The following FXN variants were observed in gnomAD, a reference collection of about 807,000 sequenced individuals.
FXN encodes frataxin, also known as frataxin, mitochondrial.
In FXN, 14 loss-of-function variants were observed where a neutral mutation model predicts 22.4. That is an observed-to-expected ratio of 0.62 (90% CI 0.41 to 0.98). The LOEUF is 0.98. Ranked by LOEUF, FXN falls within the 50% of genes least tolerant of loss-of-function variation. The probability of loss-of-function intolerance (pLI) is 0.00; values close to 1 mark genes in which losing one functional copy is unlikely to be tolerated. For missense variants in FXN, 267 were observed against 268.4 expected, an observed-to-expected ratio of 0.99 and a Z score of 0.04; for synonymous variants, 120 against 114.1, an observed-to-expected ratio of 1.05 and a Z score of -0.33.
chr9:69,075,858 C>T lies in FXN; in HGVS notation c.*3096C>T, dbSNP rs572355668. 1.9e-6 allele frequency: 1 copy of T among 534,590 alleles called. No homozygotes were observed. The highest frequency in any genetic ancestry group is 6.4e-5 in the Admixed American group (1 of 15,690). The allele number at this position is 534,590 out of a possible 1,614,324, so 33.1% of individuals were successfully genotyped here. On this transcript the variant is annotated 3_prime_UTR_variant, in exon 5 of 5. Transcript: ENST00000484259. ...GCAATCCTCCCACAGGTGTGCACCT[C>T]CATAGCTGGCTAATTTGTGTATTTT... is the stretch of plus-strand genomic sequence containing the variant.
At chr9:69,058,322 C>T (rs541113499) in intron 3 of FXN, among the ~76,000 whole-genome samples, 7 of 152,254 alleles carry the variant, frequency 4.6e-5, no homozygotes, top group African/African-American at 1.7e-4. Flanking sequence ...GGAGTCCGCT[C>T]TACTTGACCT....
Position 69,073,553 on chromosome 9 carries a change from AG to A in FXN, c.*793del. 1.0e-6 allele frequency: 1 copy of A among 985,450 alleles called. No homozygotes were observed. The highest frequency in any genetic ancestry group is 4.7e-5 in the South Asian group (1 of 21,280). 61.0% of individuals were successfully genotyped at this position (985,450 alleles called of 1,614,324 possible). On this transcript the variant is annotated 3_prime_UTR_variant, in exon 5 of 5. Coordinates refer to ENST00000484259, the MANE Select transcript of FXN (RefSeq NM_000144.5). ...AACAAACAAAATCATGGAGCTGAGGAGGTGCCTTGTAAACATGAAGGGGCAG... is the reference window on the plus strand; with the variant it reads ...AACAAACAAAATCATGGAGCTGAGGAGTGCCTTGTAAACATGAAGGGGCAG...
chr9:69,070,980 G>T (rs559529269), intron 4 of FXN, among the ~76,000 whole-genome samples: 32 of 151,862 alleles, frequency 2.1e-4, no homozygotes, highest in East Asian at 1.9e-3. Flanking sequence ...TGTTTTTTTT[G>T]TTTGTTTGTT....
At chr9:69,048,996 T>G (rs1011327124) in intron 2 of FXN, among the ~76,000 whole-genome samples, 2 of 152,184 alleles carry the variant, frequency 1.3e-5, no homozygotes, top group Non-Finnish European at 2.9e-5. Context: ...CTTCCGGCAT[T>G]CCTCCCCCAG....
rs1832400803 is a variant in FXN at position 69,077,926 on chromosome 9, A to G, written c.*5164A>G. On this transcript the variant is annotated 3_prime_UTR_variant, in exon 5 of 5. Transcript: ENST00000484259. ...GCCTGGGTGACAAGAGGGAAACTCC[A>G]TTAAAAAAATGTAATTCCCGTGTCT... The G allele has an allele frequency of 1.0e-6, 1 of 979,940 alleles. No homozygotes were observed. Among genetic ancestry groups the G allele is most frequent in the Non-Finnish European group, 1.2e-6 (1 of 825,004 alleles). The allele number at this position is 979,940 out of a possible 1,614,324, so 60.7% of individuals were successfully genotyped here. A position where few individuals can be genotyped will look rare whatever the true frequency, so the allele number is the denominator to read the frequency against.
intron 1 of FXN, chr9:69,036,209 C>T (rs953656460): frequency 8.1e-6 from 2 of 247,586 alleles, no homozygotes; most frequent in Non-Finnish European, 1.5e-5. Flanking sequence ...GGTCAAGGCA[C>T]GGGCGAAGGC....
intron 1 of FXN, among the ~76,000 whole-genome samples, chr9:69,044,305 A>G (rs1388808053): frequency 1.3e-5 from 2 of 152,164 alleles, no homozygotes; most frequent in Non-Finnish European, 1.5e-5. Context: ...AAGCAGATGG[A>G]GAACACTGTA....
Position 69,035,908 on chromosome 9 carries a change from G to GCGCACCGACATCGATGCGACCTGCA in FXN, c.130_154dup (p.Pro52HisfsTer49). 6.7e-7 allele frequency: 1 copy of GCGCACCGACATCGATGCGACCTGCA among 1,487,258 alleles called. No individual in the cohort carries two copies. 92.1% of individuals were successfully genotyped at this position (1,487,258 alleles called of 1,614,324 possible). On this transcript the variant is annotated frameshift_variant, in exon 1 of 5. Coordinates refer to ENST00000484259, the MANE Select transcript of FXN (RefSeq NM_000144.5). LOFTEE classifies it high-confidence loss of function. ...CCCCACTCTGCGGCCGCCGTGGCCT[G>GCGCACCGACATCGATGCGACCTGCA]CGCACCGACATCGATGCGACCTGCA... is the stretch of plus-strand genomic sequence containing the variant.
intron 3 of FXN, among the ~76,000 whole-genome samples, chr9:69,064,565 T>A (rs1441455238): frequency 1.3e-5 from 2 of 152,196 alleles, no homozygotes; most frequent in African/African-American, 2.4e-5. Context: ...GCATTTTTTT[T>A]ATGTCCTCTA....
chr9:69,052,869 G>A (rs1333356707), intron 2 of FXN, among the ~76,000 whole-genome samples: 3 of 151,410 alleles, frequency 2.0e-5, no homozygotes, highest in East Asian at 1.9e-4. Context: ...GGCCGGGCAC[G>A]GTGCCTTACG....
At chr9:69,071,298 T>C (rs1832270810) in intron 4 of FXN, 1 of 518,936 alleles carries the variant, frequency 1.9e-6, no homozygotes, top group South Asian at 1.4e-5. Context: ...TGGGAACAGG[T>C]TCAAGCCCCA....
chr9:69,043,066 A>C (rs1237359863), intron 1 of FXN, among the ~76,000 whole-genome samples: 1 of 152,184 alleles, frequency 6.6e-6, no homozygotes, highest in Non-Finnish European at 1.5e-5. Flanking sequence ...TTGTTACCCC[A>C]AAATCAGTAC....
At chr9:69,071,100 C>T (rs1462559079) in intron 4 of FXN, 1 of 474,116 alleles carries the variant, frequency 2.1e-6, no homozygotes, top group Non-Finnish European at 4.2e-6. Flanking sequence ...GACACGTGGG[C>T]ATCAGTGCCT....
intron 3 of FXN, among the ~76,000 whole-genome samples, chr9:69,061,584 A>G (rs1832074497): frequency 6.6e-6 from 1 of 151,942 alleles, no homozygotes; most frequent in Admixed American, 6.6e-5. Flanking sequence ...TTAGTTACAT[A>G]TGTATACATG....
At position 69,076,251 on chromosome 9, in the gene FXN, T is replaced by C. The variant is rs1832366581; in HGVS notation, c.*3489T>C. ...TTTTTTAATCTATAAAATGGAGATA[T>C]CTAACATGTTGAGCCTGGGCCCACA... is the stretch of plus-strand genomic sequence containing the variant. On this transcript the variant is annotated 3_prime_UTR_variant, in exon 5 of 5. Transcript: ENST00000484259. The C allele has an allele frequency of 1.0e-6, 1 of 982,404 alleles. No homozygotes were observed. The highest frequency in any genetic ancestry group is 1.2e-6 in the Non-Finnish European group (1 of 828,200). The allele number at this position is 982,404 out of a possible 1,614,324, so 60.9% of individuals were successfully genotyped here.
In FXN at chr9:69,073,590, G is replaced by GGGC; in HGVS notation, c.*828_*829insGGC. 2.0e-6 allele frequency: 2 copies of GGGC among 985,406 alleles called. No individual in the cohort carries two copies. The highest frequency in any genetic ancestry group is 2.4e-6 in the Non-Finnish European group (2 of 829,952). The allele number at this position is 985,406 out of a possible 1,614,324, so 61.0% of individuals were successfully genotyped here. ...AACATGAAGGGGCAGATAAAGGAAG[G>GGGC]AGATACTCATGTTGATAAAGAGAGC... On this transcript the variant is annotated 3_prime_UTR_variant, in exon 5 of 5. Transcript: ENST00000484259.
intron 4 of FXN, 52 bp downstream of exon 4, chr9:69,065,087 A>T: frequency 1.5e-6 from 2 of 1,374,272 alleles, no homozygotes; most frequent in Non-Finnish European, 2.1e-6. Flanking sequence ...AGACTTCCGA[A>T]ATGTGACATT....
chr9:69,046,202 G>A (rs1310177048), intron 1 of FXN, among the ~76,000 whole-genome samples, 183 bp from the exon 2 acceptor site: 5 of 152,154 alleles, frequency 3.3e-5, no homozygotes, highest in Admixed American at 1.3e-4. Context: ...GGGAACCAGG[G>A]GAGAGGAGAA....
At chr9:69,065,723 A>G (rs1393751396) in intron 4 of FXN, among the ~76,000 whole-genome samples, 2 of 152,198 alleles carry the variant, frequency 1.3e-5, no homozygotes, top group African/African-American at 4.8e-5. Context: ...AGTAGCTTAT[A>G]ACTTTTCCAA....
Sources: allele counts gnomAD v4.1 joint callset (sites outside exome capture counted in the v4.1 genomes callset), GRCh38; gene constraint gnomAD v4.1.1; transcripts MANE v1.5; gene names NCBI Gene and HGNC (gene_info 2026-07-23, HGNC 2026-07-21).